The following CLSTN2 variants were observed in gnomAD, a reference collection of about 807,000 sequenced individuals.
The protein encoded by CLSTN2 is calsyntenin 2, also known as calsyntenin-2.
CLSTN2 carries 48 observed loss-of-function variants against 101.2 expected under a neutral mutation model. The ratio of observed to expected loss-of-function variants is 0.47; its 90% confidence interval spans 0.38 to 0.60. The LOEUF (loss-of-function observed/expected upper bound fraction) is 0.60, where lower values mean the gene tolerates loss of function less well. Ranked by LOEUF, CLSTN2 falls within the 20% of genes least tolerant of loss-of-function variation. The pLI is 0.00. For synonymous variants in CLSTN2, 481 were observed against 463.6 expected (o/e 1.04, Z -0.48); for missense variants, 1,160 against 1,238.2 (o/e 0.94, Z 0.95).
chr3:140,246,906 C>A (rs2086522872), intron 2 of CLSTN2, among the ~76,000 whole-genome samples: 1 of 152,000 alleles, frequency 6.6e-6, no homozygotes, highest in Non-Finnish European at 1.5e-5. Flanking sequence ...GGGACCGAAT[C>A]CTAGGGTTAT....
At chr3:140,481,104 A>G (rs1934107764) in intron 8 of CLSTN2, among the ~76,000 whole-genome samples, 1 of 152,204 alleles carries the variant, frequency 6.6e-6, no homozygotes. Context: ...TCTTCAATCC[A>G]TCTTGAATTA....
At chr3:140,017,685 T>G (rs1298760146) in intron 1 of CLSTN2, among the ~76,000 whole-genome samples, 1 of 152,184 alleles carries the variant, frequency 6.6e-6, no homozygotes, top group East Asian at 1.9e-4. Flanking sequence ...GAGTGACTCC[T>G]TTCCAAGAGG....
intron 1 of CLSTN2, among the ~76,000 whole-genome samples, chr3:140,039,771 G>T (rs1384799113): frequency 6.6e-6 from 1 of 152,100 alleles, no homozygotes; most frequent in Non-Finnish European, 1.5e-5. Context: ...ATCTATTTAT[G>T]TGTGTTTGTG....
At chr3:140,171,265 C>T (rs1472720735) in intron 1 of CLSTN2, among the ~76,000 whole-genome samples, 1 of 152,130 alleles carries the variant, frequency 6.6e-6, no homozygotes, top group Non-Finnish European at 1.5e-5. Context: ...CCAATTCACA[C>T]CTGCAGTGGC....
At chr3:140,454,968 C>T (rs572614193) in intron 6 of CLSTN2, among the ~76,000 whole-genome samples, 1 of 147,212 alleles carries the variant, frequency 6.8e-6, no homozygotes, top group South Asian at 2.1e-4. Flanking sequence ...AGAGGGCCTC[C>T]CTCACTTCCC....
rs142682524 is a variant in CLSTN2 at position 140,052,974 on chromosome 3, A to T, written c.109+117491A>T. 5.3e-4 allele frequency among the ~76,000 whole-genome samples: 80 copies of T among 152,316 alleles called. No individual in the cohort carries two copies. In the South Asian group the frequency reaches 8.5e-3, roughly 16 times the overall value. Reference sequence around the variant, plus strand: ...GGGCAGAAGCAGGCTGTTTGTAGGGACAGACACAGCTCTCATCAAGACAGC... The same window carrying T: ...GGGCAGAAGCAGGCTGTTTGTAGGGTCAGACACAGCTCTCATCAAGACAGC... On this transcript the variant is annotated intron_variant, in intron 1 of 16. Transcript: ENST00000458420.
intron 4 of CLSTN2, among the ~76,000 whole-genome samples, chr3:140,420,293 A>C (rs1214732626): frequency 7.8e-6 from 1 of 128,358 alleles, no homozygotes; most frequent in Non-Finnish European, 1.7e-5. Flanking sequence ...TCTGCCGCCA[A>C]AAAAAAAAAA....
rs565942399 is a variant in CLSTN2, at chr3:140,199,558, C to T, written c.232+23485C>T. On this transcript the variant is annotated intron_variant, in intron 2 of 16. Transcript: ENST00000458420. ...GGTAAGAATCATCAGGGGTGCTTAT[C>T]AAACTAGGAGCCGCCCAGGCCCCTG... is the stretch of plus-strand genomic sequence containing the variant. 1.6e-3 allele frequency among the ~76,000 whole-genome samples: 245 copies of T among 152,326 alleles called. 1 individual carries two copies. Among genetic ancestry groups the T allele is most frequent in the African/African-American group, 5.7e-3 (236 of 41,582 alleles).
chr3:140,369,867 G>A (rs1010211457), intron 2 of CLSTN2, among the ~76,000 whole-genome samples: 2 of 152,196 alleles, frequency 1.3e-5, no homozygotes, highest in Admixed American at 6.5e-5. Context: ...ACCCAAAGCA[G>A]CCAGTAGGCT....
chr3:140,275,125 G>A (rs1235648806), intron 2 of CLSTN2, among the ~76,000 whole-genome samples: 4 of 152,094 alleles, frequency 2.6e-5, no homozygotes, highest in African/African-American at 9.7e-5. Flanking sequence ...TCAGATCGGG[G>A]CAACTCCGAG....
intron 1 of CLSTN2, among the ~76,000 whole-genome samples, chr3:140,020,354 A>G (rs2007288391): frequency 6.6e-6 from 1 of 152,080 alleles, no homozygotes; most frequent in Non-Finnish European, 1.5e-5. Context: ...TTCCAAGTAT[A>G]TGTGTGTGTG....
At chr3:140,551,485 C>A (rs1935697536) in intron 10 of CLSTN2, among the ~76,000 whole-genome samples, 1 of 151,876 alleles carries the variant, frequency 6.6e-6, no homozygotes, top group Non-Finnish European at 1.5e-5. Context: ...ATAGCACAAT[C>A]CCTGCCAATT....
At chr3:140,480,990 C>T (rs1173322374) in intron 8 of CLSTN2, among the ~76,000 whole-genome samples, 1 of 152,138 alleles carries the variant, frequency 6.6e-6, no homozygotes, top group African/African-American at 2.4e-5. Flanking sequence ...GTTGCCATTG[C>T]TTTTGGTGTT....
At chr3:140,202,428 A>G (rs2010729463) in intron 2 of CLSTN2, among the ~76,000 whole-genome samples, 1 of 152,204 alleles carries the variant, frequency 6.6e-6, no homozygotes, top group South Asian at 2.1e-4. Flanking sequence ...AGATGCCTAC[A>G]AGATTTGGCA....
At chr3:140,438,854 T>C (rs2088714851) in intron 5 of CLSTN2, among the ~76,000 whole-genome samples, 1 of 152,208 alleles carries the variant, frequency 6.6e-6, no homozygotes, top group Non-Finnish European at 1.5e-5. Flanking sequence ...GATGTGTTTC[T>C]GTTTGGGAGC....
At chr3:140,452,816 T>G (rs1323188850) in intron 6 of CLSTN2, among the ~76,000 whole-genome samples, 2 of 152,218 alleles carry the variant, frequency 1.3e-5, no homozygotes, top group Non-Finnish European at 2.9e-5. Flanking sequence ...TGTGTCCCCT[T>G]TAGCTTGTGG....
At chr3:140,126,586 A>G (rs72986121) in intron 1 of CLSTN2, among the ~76,000 whole-genome samples, 2,715 of 152,262 alleles carry the variant, frequency 0.018, 37 homozygotes, top group African/African-American at 0.026. Flanking sequence ...AGGGCCTAGC[A>G]TATGGGTTTG....
At chr3:140,459,825 T>A (rs1011367489) in intron 7 of CLSTN2, 56 bp downstream of exon 7, 6 of 1,597,890 alleles carry the variant, frequency 3.8e-6, no homozygotes, top group Non-Finnish European at 5.1e-6. Context: ...GCCCATTTTG[T>A]CACAGGTGGC....
chr3:140,063,666 A>T (rs925344800), intron 1 of CLSTN2, among the ~76,000 whole-genome samples: 2 of 152,168 alleles, frequency 1.3e-5, no homozygotes, highest in African/African-American at 4.8e-5. Context: ...TTCATTAAAC[A>T]ACCCCTTCCG....
Sources: gnomAD v4.1 joint callset for allele counts (sites outside exome capture counted in the v4.1 genomes callset) on GRCh38, gnomAD v4.1.1 for gene constraint, MANE v1.5 for transcripts, NCBI Gene and HGNC (gene_info 2026-07-23, HGNC 2026-07-21) for gene names.